MAN1A1: variants seen among roughly 807,000 people sequenced by gnomAD.
The protein encoded by MAN1A1 is mannosyl-oligosaccharide 1,2-alpha-mannosidase IA.
MAN1A1 carries 29 observed loss-of-function variants against 70.8 expected under a neutral mutation model. The observed-to-expected ratio is 0.41, with a 90% CI of 0.31 to 0.56. The LOEUF (loss-of-function observed/expected upper bound fraction) is 0.56, where lower values mean the gene tolerates loss of function less well. MAN1A1 is among the 20% of genes least tolerant of loss of function. The pLI, the probability that MAN1A1 is intolerant of heterozygous loss-of-function variation, is 0.29. For missense variants in MAN1A1, 747 were observed against 841.3 expected (o/e 0.89, Z 1.39); for synonymous variants, 349 against 330.1 (o/e 1.06, Z -0.62).
chr6:119,202,647 C>T (rs6924690), intron 7 of MAN1A1, among the ~76,000 whole-genome samples: 73,252 of 151,906 alleles, frequency 0.48, 18,850 homozygotes, highest in Non-Finnish European at 0.58. Flanking sequence ...ATGTAAGTAA[C>T]GCATTGCACT....
intron 8 of MAN1A1, among the ~76,000 whole-genome samples, chr6:119,199,741 C>CA (rs11383265): frequency 0.43 from 61,252 of 140,822 alleles, 13,793 homozygotes; most frequent in Non-Finnish European, 0.53. Flanking sequence ...TTCTCTCTAC[C>CA]AAAAAAAAAA....
intron 4 of MAN1A1, among the ~76,000 whole-genome samples, chr6:119,293,422 T>C (rs1269414889): frequency 2.6e-5 from 4 of 152,122 alleles, no homozygotes; most frequent in African/African-American, 4.8e-5. Flanking sequence ...ATGGATCTAA[T>C]AGTCTGTCCA....
chr6:119,191,223 T>G (rs1773434436), intron 9 of MAN1A1, among the ~76,000 whole-genome samples: 1 of 152,240 alleles, frequency 6.6e-6, no homozygotes, highest in Admixed American at 6.5e-5. Context: ...TAGCTATTTA[T>G]ACTTCTCATA....
intron 6 of MAN1A1, among the ~76,000 whole-genome samples, chr6:119,234,410 TA>T (rs1032617887): frequency 4.8e-4 from 73 of 152,122 alleles, no homozygotes; most frequent in Admixed American, 1.6e-3. Flanking sequence ...AAATAAACAT[TA>T]AAAAAAATTT....
chr6:119,224,953 C>T (rs1774464417), intron 6 of MAN1A1, among the ~76,000 whole-genome samples: 1 of 151,954 alleles, frequency 6.6e-6, no homozygotes, highest in South Asian at 2.1e-4. Flanking sequence ...ATGGTGAAAT[C>T]CCGTCTCTAC....
intron 2 of MAN1A1, among the ~76,000 whole-genome samples, chr6:119,315,208 C>A (rs195047): frequency 0.14 from 20,915 of 152,128 alleles, 1,764 homozygotes; most frequent in Admixed American, 0.26. Context: ...TCTCCTACAG[C>A]CAATTTTAAT....
chr6:119,246,797 C>T (rs1775178858), intron 6 of MAN1A1, among the ~76,000 whole-genome samples: 1 of 152,066 alleles, frequency 6.6e-6, no homozygotes, highest in African/African-American at 2.4e-5. Flanking sequence ...CAAACACAAA[C>T]CAAGCTGCTT....
chr6:119,218,381 T>C (rs1460344806), intron 6 of MAN1A1, among the ~76,000 whole-genome samples: 1 of 152,172 alleles, frequency 6.6e-6, no homozygotes, highest in East Asian at 1.9e-4. Context: ...GTTATAGTAG[T>C]ATATACAGTA....
chr6:119,289,148 G>A (rs147481746), intron 5 of MAN1A1, among the ~76,000 whole-genome samples: 8 of 151,620 alleles, frequency 5.3e-5, no homozygotes, highest in East Asian at 3.9e-4. Context: ...GAGTGAAAAC[G>A]TATCCTAATC....
intron 2 of MAN1A1, among the ~76,000 whole-genome samples, chr6:119,313,474 T>C (rs1772767513): frequency 6.6e-6 from 1 of 152,166 alleles, no homozygotes; most frequent in African/African-American, 2.4e-5. Context: ...AATGCTGAAA[T>C]AAATGTATCC....
At chr6:119,238,022 T>C (rs1242090669) in intron 6 of MAN1A1, among the ~76,000 whole-genome samples, 1 of 152,240 alleles carries the variant, frequency 6.6e-6, no homozygotes, top group Non-Finnish European at 1.5e-5. Flanking sequence ...TTCTGCCTTT[T>C]CTTTTCTGCT....
intron 2 of MAN1A1, among the ~76,000 whole-genome samples, chr6:119,326,713 C>G (rs1368941606): frequency 1.3e-5 from 2 of 152,106 alleles, no homozygotes; most frequent in African/African-American, 4.8e-5. Flanking sequence ...CCTTATAAAA[C>G]CATCAGATCT....
chr6:119,302,101 T>C lies in MAN1A1; in HGVS notation c.703A>G (p.Asn235Asp). 6.8e-7 allele frequency: 1 copy of C among 1,468,504 alleles called. No individual in the cohort carries two copies. The highest frequency in any genetic ancestry group is 9.5e-7 in the Non-Finnish European group (1 of 1,054,870). The allele number at this position is 1,468,504 out of a possible 1,614,324, so 91.0% of individuals were successfully genotyped here. Reference sequence around the variant, plus strand: ...TCTACTATAGTTGCTCCTTTGATGTTACCTGAAAAGATCAGAAAAATATTT... The same window carrying C: ...TCTACTATAGTTGCTCCTTTGATGTCACCTGAAAAGATCAGAAAAATATTT... ...KGGHSSSLFG[N>D]IKGATIVDAL... The change falls in exon 4 of 13, where the codon AAC (asparagine) becomes GAC (aspartate). Residue 235 changes from asparagine to aspartate, a missense_variant and splice_region_variant. Asn to Asp is a conservative substitution (Grantham distance 23, BLOSUM62 1). Transcript: ENST00000368468.
intron 2 of MAN1A1, among the ~76,000 whole-genome samples, chr6:119,326,042 C>T (rs1773138415): frequency 1.3e-5 from 2 of 152,218 alleles, no homozygotes; most frequent in African/African-American, 2.4e-5. Flanking sequence ...GGTCAGGTTC[C>T]AGCCCATGCT....
At chr6:119,277,368 T>C (rs994390635) in intron 5 of MAN1A1, among the ~76,000 whole-genome samples, 1 of 152,152 alleles carries the variant, frequency 6.6e-6, no homozygotes, top group Non-Finnish European at 1.5e-5. Flanking sequence ...ACCATAAATC[T>C]ACATCATAAA....
chr6:119,295,823 T>A (rs991006551), intron 4 of MAN1A1, among the ~76,000 whole-genome samples: 2 of 152,154 alleles, frequency 1.3e-5, no homozygotes, highest in Admixed American at 1.3e-4. Context: ...CAAGCTTTAA[T>A]AACTGCCCAC....
In MAN1A1 at chr6:119,248,297, G is replaced by C. The variant is rs1255223082; in HGVS notation, c.955C>G (p.Pro319Ala). Residue 319 changes from proline (P) to alanine (A), a missense_variant, in exon 6 of 13, where the codon CCC becomes GCC. Pro to Ala is a conservative substitution (Grantham distance 27). Transcript: ENST00000368468. ...AGCAATGCCCAAGGTATTCCAGAGG[G>C]AGTATGAAATGCAGGTAGCAATTTT... ...GVKLLPAFHT[P>A]SGIPWALLNM... The C allele has an allele frequency of 6.2e-7, 1 of 1,613,350 alleles. No individual in the cohort carries two copies. The highest frequency in any genetic ancestry group is 8.5e-7 in the Non-Finnish European group (1 of 1,179,386).
At chr6:119,242,708 T>C (rs1233536483) in intron 6 of MAN1A1, among the ~76,000 whole-genome samples, 1 of 152,190 alleles carries the variant, frequency 6.6e-6, no homozygotes, top group Non-Finnish European at 1.5e-5. Context: ...CAGATTTCCA[T>C]AAAAGCCTTA....
chr6:119,201,408 C>A, intron 7 of MAN1A1, 61 bp from the exon 8 acceptor site: 1 of 1,091,748 alleles, frequency 9.2e-7, no homozygotes, highest in East Asian at 2.4e-5. Context: ...TGCCATTCTT[C>A]TTCTTCTTGA....
Sources: allele counts gnomAD v4.1 joint callset (sites outside exome capture counted in the v4.1 genomes callset), GRCh38; gene constraint gnomAD v4.1.1; transcripts MANE v1.5; gene names NCBI Gene and HGNC (gene_info 2026-07-23, HGNC 2026-07-21).